The following TMTC1 variants were observed in gnomAD, a reference collection of about 807,000 sequenced individuals.
TMTC1 encodes the protein transmembrane O-mannosyltransferase targeting cadherins 1, also known as protein O-mannosyl-transferase TMTC1.
In TMTC1, 73 loss-of-function variants were observed where a neutral mutation model predicts 104.8. The ratio of observed to expected loss-of-function variants is 0.70; its 90% CI spans 0.58 to 0.85. The LOEUF (loss-of-function observed/expected upper bound fraction) is 0.85. Ranked by LOEUF, TMTC1 falls within the 40% of genes least tolerant of loss-of-function variation. The pLI, the probability that TMTC1 is intolerant of heterozygous loss-of-function variation, is 0.00. For missense variants in TMTC1, 1,035 were observed against 1,096.1 expected, an observed-to-expected ratio of 0.94 and a Z score of 0.79; for synonymous variants, 434 against 428.7, an observed-to-expected ratio of 1.01 and a Z score of -0.15.
chr12:29,508,692 G>A (rs1300152109), intron 17 of TMTC1, among the ~76,000 whole-genome samples: 1 of 151,946 alleles, frequency 6.6e-6, no homozygotes, highest in African/African-American at 2.4e-5. Flanking sequence ...TCGTGCCTCA[G>A]CCTCCCGAGT....
At chr12:29,706,714 G>C (rs1941754629) in intron 5 of TMTC1, among the ~76,000 whole-genome samples, 1 of 152,168 alleles carries the variant, frequency 6.6e-6, no homozygotes. Flanking sequence ...TCTGGGGCTA[G>C]AATCAGCTTC....
At chr12:29,715,250 T>G (rs1215388178) in intron 5 of TMTC1, among the ~76,000 whole-genome samples, 1 of 152,204 alleles carries the variant, frequency 6.6e-6, no homozygotes, top group Non-Finnish European at 1.5e-5. Flanking sequence ...CAATGAGTCA[T>G]TTTTTGGCAC....
chr12:29,551,347 A>G (rs948613927), intron 10 of TMTC1, among the ~76,000 whole-genome samples: 1 of 152,212 alleles, frequency 6.6e-6, no homozygotes, highest in Non-Finnish European at 1.5e-5. Flanking sequence ...CCTAGCACTT[A>G]AAAGATAATG....
intron 5 of TMTC1, among the ~76,000 whole-genome samples, chr12:29,686,771 A>ATG (rs1287399842): frequency 8.5e-5 from 13 of 152,374 alleles, no homozygotes; most frequent in Admixed American, 3.9e-4. Flanking sequence ...GAAGTCAGAC[A>ATG]ATCATCTTTG....
chr12:29,762,844 C>T (rs145527941), intron 2 of TMTC1, among the ~76,000 whole-genome samples: 13 of 152,298 alleles, frequency 8.5e-5, no homozygotes, highest in African/African-American at 2.6e-4. Context: ...GCTGTAAAGC[C>T]GAAGTGTATA....
intron 5 of TMTC1, among the ~76,000 whole-genome samples, chr12:29,662,075 C>A (rs181697341): frequency 6.6e-6 from 1 of 152,278 alleles, no homozygotes; most frequent in East Asian, 1.9e-4. Context: ...ATGCAAAATT[C>A]TACACGGAAA....
At chr12:29,760,924 T>G (rs1476808710) in intron 2 of TMTC1, among the ~76,000 whole-genome samples, 1 of 148,082 alleles carries the variant, frequency 6.8e-6, no homozygotes, top group Non-Finnish European at 1.5e-5. Context: ...TTTTCTATAT[T>G]TATTATTCAT....
chr12:29,586,514 A>G (rs901061912), intron 7 of TMTC1, among the ~76,000 whole-genome samples: 1 of 152,254 alleles, frequency 6.6e-6, no homozygotes, highest in East Asian at 1.9e-4. Flanking sequence ...GTCTTGTGCC[A>G]GTTTTCAAAG....
chr12:29,779,923 T>C (rs2120668012), intron 1 of TMTC1, among the ~76,000 whole-genome samples: 1 of 152,252 alleles, frequency 6.6e-6, no homozygotes, highest in South Asian at 2.1e-4. Context: ...CTTCACCCAT[T>C]AGGGAATGGT....
chr12:29,742,195 G>A (rs182747291), intron 5 of TMTC1, among the ~76,000 whole-genome samples: 1 of 152,284 alleles, frequency 6.6e-6, no homozygotes. Context: ...AGCATGTCTA[G>A]CTCTTAACAA....
At chr12:29,668,454 C>T (rs1014515166) in intron 5 of TMTC1, among the ~76,000 whole-genome samples, 46 of 90,086 alleles carry the variant, frequency 5.1e-4, no homozygotes, top group East Asian at 1.1e-3. Context: ...ACCAACTTAT[C>T]TTTTTTTTTT....
At chr12:29,599,195 T>C (rs534076200) in intron 7 of TMTC1, among the ~76,000 whole-genome samples, 2 of 152,344 alleles carry the variant, frequency 1.3e-5, no homozygotes, top group South Asian at 4.1e-4. Context: ...AATGTGGTTT[T>C]TATAAAACAC....
At chr12:29,597,739 T>C (rs1414268452) in intron 7 of TMTC1, among the ~76,000 whole-genome samples, 2 of 152,082 alleles carry the variant, frequency 1.3e-5, no homozygotes, top group South Asian at 4.1e-4. Flanking sequence ...GCAAGGGACC[T>C]TAGAGATCAT....
chr12:29,515,828 A>G (rs984808220), intron 15 of TMTC1, among the ~76,000 whole-genome samples: 1 of 151,078 alleles, frequency 6.6e-6, no homozygotes, highest in Non-Finnish European at 1.5e-5. Context: ...GCCTTCAACA[A>G]TTACTTCATT....
intron 7 of TMTC1, among the ~76,000 whole-genome samples, chr12:29,584,694 GT>G (rs751070819): frequency 1.3e-5 from 2 of 151,794 alleles, no homozygotes; most frequent in South Asian, 4.2e-4. Context: ...GCGGTGTTTG[GT>G]TTTTTGTCCT....
chr12:29,756,611 A>G (rs1943221342), intron 3 of TMTC1, among the ~76,000 whole-genome samples: 1 of 152,162 alleles, frequency 6.6e-6, no homozygotes, highest in South Asian at 2.1e-4. Context: ...TTAATTTCCA[A>G]CAAGGATTTT....
At chr12:29,611,399 C>G (rs1303166473) in intron 6 of TMTC1, among the ~76,000 whole-genome samples, 1 of 152,100 alleles carries the variant, frequency 6.6e-6, no homozygotes, top group East Asian at 1.9e-4. Flanking sequence ...AAGTTATATT[C>G]TGCATAAGTG....
chr12:29,779,420 C>A (rs1186821307), intron 1 of TMTC1, among the ~76,000 whole-genome samples: 2 of 152,178 alleles, frequency 1.3e-5, no homozygotes, highest in Non-Finnish European at 2.9e-5. Flanking sequence ...TCCACTGTCC[C>A]ATCCCCTCAA....
rs142417675 is a variant in TMTC1, at chr12:29,696,745, G to C, written c.938+54921C>G. Among the ~76,000 whole-genome samples, 435 of 152,180 alleles carry C rather than the reference G, an allele frequency of 2.9e-3. 1 individual carries two copies. The highest frequency in any genetic ancestry group is 0.02 in the Middle Eastern group (6 of 294). On this transcript the variant is annotated intron_variant, in intron 5 of 17. Transcript: ENST00000539277. ...CTTAAGTTTTATTGAAGTAGGGTAG[G>C]AAATAAATAGAAGAAAGAAACCTAA...
Sources: allele counts gnomAD v4.1 joint callset (sites outside exome capture counted in the v4.1 genomes callset), GRCh38; gene constraint gnomAD v4.1.1; transcripts MANE v1.5; gene names NCBI Gene and HGNC (gene_info 2026-07-23, HGNC 2026-07-21).